Variants in PTPRG observed in about 807,000 individuals in gnomAD.
The protein encoded by PTPRG is protein tyrosine phosphatase receptor type G, also known as receptor-type tyrosine-protein phosphatase gamma.
A neutral mutation model predicts 165.3 loss-of-function variants in PTPRG; 102 were observed. The ratio of observed to expected loss-of-function variants is 0.62; its 90% CI spans 0.53 to 0.73. PTPRG has a LOEUF of 0.73. Among genes scored for constraint, PTPRG ranks in the 30% least tolerant of loss-of-function variants. The pLI, the probability that PTPRG is intolerant of heterozygous loss-of-function variation, is 0.00. For missense variants in PTPRG, 1,866 were observed against 1,861.4 expected (o/e 1.00, Z -0.05); for synonymous variants, 675 against 669.5 (o/e 1.01, Z -0.13).
At chr3:61,704,110 C>T (rs757006027) in intron 1 of PTPRG, among the ~76,000 whole-genome samples, 2 of 152,096 alleles carry the variant, frequency 1.3e-5, no homozygotes, top group African/African-American at 2.4e-5. Context: ...AGGAGAGGCA[C>T]AAATTGGTTG....
rs1311731101 is a variant in PTPRG, at chr3:62,233,877, T to C, written c.2375+2566T>C. ...TTTTTTAATAAAGCTGATTTAAGTT[T>C]TGAGTAAGTAATACTTGACATGATT... On this transcript the variant is annotated intron_variant, in intron 14 of 29. Transcript: ENST00000474889. This position sits in a 1 kb window ranked among gnomAD's most constrained non-coding sequence, Gnocchi z 4.7. Among the ~76,000 whole-genome samples, 1 of 152,200 alleles carries C rather than the reference T, an allele frequency of 6.6e-6. No homozygotes were observed. The highest frequency in any genetic ancestry group is 1.5e-5 in the Non-Finnish European group (1 of 68,038).
At chr3:62,084,618 T>A (rs1322880968) in intron 5 of PTPRG, among the ~76,000 whole-genome samples, 1 of 152,190 alleles carries the variant, frequency 6.6e-6, no homozygotes, top group African/African-American at 2.4e-5. Context: ...CTGGGATTAT[T>A]TATAGACATT....
intron 1 of PTPRG, among the ~76,000 whole-genome samples, chr3:61,651,900 T>C (rs9819200): frequency 0.77 from 117,127 of 152,050 alleles, 46,315 homozygotes; most frequent in South Asian, 0.9. Context: ...GTCCCAGTTA[T>C]TCGGGAGGCT....
At chr3:61,688,037 GCCCCTTCTT>G (rs1229410177) in intron 1 of PTPRG, among the ~76,000 whole-genome samples, 6 of 152,172 alleles carry the variant, frequency 3.9e-5, no homozygotes, top group Non-Finnish European at 5.9e-5. Flanking sequence ...TCCCCATTCA[GCCCCTTCTT>G]CTGAGGGCAT....
intron 7 of PTPRG, among the ~76,000 whole-genome samples, chr3:62,157,633 T>C (rs1704589755): frequency 6.6e-6 from 1 of 152,198 alleles, no homozygotes; most frequent in Non-Finnish European, 1.5e-5. Context: ...TACAGTCTTA[T>C]GAGGAAGGTG....
Position 62,203,155 on chromosome 3 carries a change from C to T in PTPRG, c.1378-18C>T. The T allele has an allele frequency of 6.4e-7, 1 of 1,551,936 alleles. No individual in the cohort carries two copies. Among genetic ancestry groups the T allele is most frequent in the Non-Finnish European group, 8.7e-7 (1 of 1,147,124 alleles). On this transcript the variant is annotated intron_variant, in intron 11 of 29. Coordinates refer to ENST00000474889, the MANE Select transcript of PTPRG (RefSeq NM_002841.4). This position sits in a 1 kb window ranked among gnomAD's most constrained non-coding sequence, Gnocchi z 6.4. ...TTCTTCTGCCTCTTTTCCACCCTTG[C>T]CGGGTGACCCTTTCCAGCCCACAGC...
At chr3:62,184,914 CT>C (rs1705813750) in intron 8 of PTPRG, among the ~76,000 whole-genome samples, 1 of 151,932 alleles carries the variant, frequency 6.6e-6, no homozygotes, top group African/African-American at 2.4e-5. Context: ...AAGAAGGCCC[CT>C]GGAGGAACCT....
chr3:62,023,352 C>G (rs2041741495), intron 4 of PTPRG, among the ~76,000 whole-genome samples: 1 of 152,180 alleles, frequency 6.6e-6, no homozygotes, highest in Non-Finnish European at 1.5e-5. Context: ...TACCTCAACT[C>G]TTCATTAGCA....
chr3:61,836,062 C>CCAAAAA (rs2036450402), intron 2 of PTPRG, among the ~76,000 whole-genome samples: 15 of 103,630 alleles, frequency 1.4e-4, no homozygotes, highest in South Asian at 4.2e-4. Context: ...CCCCCCCCAC[C>CCAAAAA]AAAAAAAAAA....
intron 2 of PTPRG, among the ~76,000 whole-genome samples, chr3:61,842,538 C>T (rs187151912): frequency 1.1e-3 from 167 of 152,230 alleles, no homozygotes; most frequent in African/African-American, 3.7e-3. Flanking sequence ...ATTAAATCAA[C>T]CCAACTTACA....
At chr3:61,695,795 G>A (rs750387255) in intron 1 of PTPRG, among the ~76,000 whole-genome samples, 2 of 152,198 alleles carry the variant, frequency 1.3e-5, no homozygotes, top group Non-Finnish European at 2.9e-5. Context: ...TTTTTGCCAA[G>A]TGAACAATAG....
At chr3:62,162,827 T>C (rs1199810429) in intron 7 of PTPRG, among the ~76,000 whole-genome samples, 1 of 152,182 alleles carries the variant, frequency 6.6e-6, no homozygotes, top group Non-Finnish European at 1.5e-5. Flanking sequence ...GCATACAAAA[T>C]AGAGTCACAC....
chr3:62,203,500 T>A lies in PTPRG; in HGVS notation c.1705T>A (p.Ser569Thr). ...TTCTCCAGGGCCCGATGGTGATTCG[T>A]CACCAACCAAGGACGGCGAGGGCAC... is the stretch of plus-strand genomic sequence containing the variant. ...LASPGPDGDS[S>T]PTKDGEGTEE... Residue 569 changes from serine (S) to threonine (T), a missense_variant, in exon 12 of 30, where the codon TCA (serine) becomes ACA (threonine). Ser to Thr is a moderately conservative substitution (Grantham distance 58). Coordinates refer to ENST00000474889, the MANE Select transcript of PTPRG (RefSeq NM_002841.4). This position sits in a 1 kb window ranked among gnomAD's most constrained non-coding sequence, Gnocchi z 6.4. The A allele has an allele frequency of 6.4e-7, 1 of 1,565,390 alleles. No individual in the cohort carries two copies. The highest frequency in any genetic ancestry group is 8.7e-7 in the Non-Finnish European group (1 of 1,154,264).
chr3:61,955,150 A>G lies in PTPRG; in HGVS notation c.191-34475A>G, dbSNP rs111362958. On this transcript the variant is annotated intron_variant, in intron 2 of 29. Transcript: ENST00000474889. ...GAATTACTGACTGCTTTGGATCTGT[A>G]TACGATATGTCATAGCCTTGAACTT... Among the ~76,000 whole-genome samples, 1,488 of 152,352 alleles carry G rather than the reference A, an allele frequency of 9.8e-3. 24 individuals are homozygous for G. Among genetic ancestry groups the G allele is most frequent in the African/African-American group, 0.033 (1,372 of 41,584 alleles).
At chr3:62,282,668 T>C in intron 27 of PTPRG, 59 bp from the exon 28 acceptor site, 3 of 1,526,064 alleles carry the variant, frequency 2.0e-6, no homozygotes, top group Non-Finnish European at 2.6e-6. Context: ...GTTCTAGTCA[T>C]TAGATTGTAG....
At chr3:61,586,207 T>TA (rs1700429649) in intron 1 of PTPRG, among the ~76,000 whole-genome samples, 1 of 152,070 alleles carries the variant, frequency 6.6e-6, no homozygotes, top group African/African-American at 2.4e-5. Context: ...CCCAAATATC[T>TA]AGGAGTTGAA....
chr3:61,794,744 T>C (rs17065409), intron 2 of PTPRG, among the ~76,000 whole-genome samples: 1,576 of 152,280 alleles, frequency 0.01, 29 homozygotes, highest in African/African-American at 0.035. Flanking sequence ...AAGATTTTCG[T>C]TTGAAAGCTG....
chr3:62,163,303 C>G (rs996745973), intron 7 of PTPRG, among the ~76,000 whole-genome samples: 1 of 152,136 alleles, frequency 6.6e-6, no homozygotes, highest in African/African-American at 2.4e-5. Context: ...GTCAATAAAA[C>G]TTATACTAAT....
chr3:61,708,321 T>C (rs1239812167), intron 1 of PTPRG, among the ~76,000 whole-genome samples: 1 of 151,984 alleles, frequency 6.6e-6, no homozygotes, highest in Non-Finnish European at 1.5e-5. Flanking sequence ...AGCAGTGACC[T>C]GCCTCCAGGA....
Sources: gnomAD v4.1 joint callset for allele counts (sites outside exome capture counted in the v4.1 genomes callset) on GRCh38, gnomAD v4.1.1 for gene constraint, Gnocchi (gnomAD v3.1) non-coding constraint, MANE v1.5 for transcripts, NCBI Gene and HGNC (gene_info 2026-07-23, HGNC 2026-07-21) for gene names.